The following FLNB variants were observed in gnomAD, a reference collection of about 807,000 sequenced individuals.
The protein encoded by FLNB is filamin B, also known as filamin-B.
In FLNB, 111 loss-of-function variants were observed where a neutral mutation model predicts 250.6. The ratio of observed to expected loss-of-function variants is 0.44; its 90% CI spans 0.38 to 0.52. FLNB has a LOEUF of 0.52. FLNB is among the 20% of genes least tolerant of loss of function. The pLI, the probability that FLNB is intolerant of heterozygous loss-of-function variation, is 0.00. For missense variants in FLNB, 2,869 were observed against 3,447.8 expected, an observed-to-expected ratio of 0.83 and a Z score of 4.20; for synonymous variants, 1,302 against 1,372.1, an observed-to-expected ratio of 0.95 and a Z score of 1.13.
At chr3:58,036,449 T>C (rs1576615958) in intron 1 of FLNB, among the ~76,000 whole-genome samples, 1 of 151,200 alleles carries the variant, frequency 6.6e-6, no homozygotes, top group African/African-American at 2.4e-5. Context: ...TCACAGGGGG[T>C]CGAAGTGACG....
chr3:58,059,049 A>G (rs1338773702), intron 1 of FLNB, among the ~76,000 whole-genome samples: 1 of 152,204 alleles, frequency 6.6e-6, no homozygotes, highest in Non-Finnish European at 1.5e-5. Context: ...TGAGATTGTC[A>G]ATGTACGTTG....
chr3:58,051,374 C>T (rs115789493), intron 1 of FLNB, among the ~76,000 whole-genome samples: 58 of 152,348 alleles, frequency 3.8e-4, no homozygotes, highest in Non-Finnish European at 7.9e-4. Context: ...AAGTGGCCCG[C>T]ATGTCTGCAC....
At chr3:58,108,627 C>T (rs756940813) in intron 13 of FLNB, 56 bp downstream of exon 13, 47 of 1,100,772 alleles carry the variant, frequency 4.3e-5, no homozygotes, top group African/African-American at 2.6e-4. Context: ...GATCTGACCA[C>T]GTAATGGCAA....
intron 29 of FLNB, among the ~76,000 whole-genome samples, chr3:58,140,702 G>T (rs1399192174): frequency 6.6e-6 from 1 of 152,100 alleles, no homozygotes; most frequent in African/African-American, 2.4e-5. Context: ...TCCACCTCCT[G>T]GGTTTAAGCG....
intron 7 of FLNB, 102 bp downstream of exon 7, chr3:58,098,079 C>A: frequency 8.0e-7 from 1 of 1,247,908 alleles, no homozygotes; most frequent in Non-Finnish European, 1.2e-6. Flanking sequence ...TCTTTTAAAT[C>A]AAATAAATAA....
rs1429594034 is a variant in FLNB at position 58,112,237 on chromosome 3, TCC to T, written c.2665_2666del (p.Pro889TrpfsTer12). On this transcript the variant is annotated frameshift_variant, in exon 18 of 46. Transcript: ENST00000295956. LOFTEE classifies it high-confidence loss of function. The part of the protein sequence containing the change: ...PLNVQFNSPL[P>X]GDAVKDLDII... Reference sequence around the variant, plus strand: ...TCAACGTGCAGTTCAACAGCCCTCTTCCTGGCGATGCAGTGAAGGATTTGGAT... The same window carrying T: ...TCAACGTGCAGTTCAACAGCCCTCTTTGGCGATGCAGTGAAGGATTTGGAT... 1 of 1,614,170 alleles carries T rather than the reference TCC, an allele frequency of 6.2e-7. No homozygotes were observed. Among genetic ancestry groups the T allele is most frequent in the Non-Finnish European group, 8.5e-7 (1 of 1,180,026 alleles).
intron 1 of FLNB, among the ~76,000 whole-genome samples, chr3:58,022,268 T>C (rs906044908): frequency 2.0e-5 from 3 of 152,236 alleles, no homozygotes; most frequent in Non-Finnish European, 4.4e-5. Flanking sequence ...TTAAGACTGG[T>C]ACATTGACTT....
At chr3:58,090,056 C>CA (rs1393627626) in intron 4 of FLNB, among the ~76,000 whole-genome samples, 4 of 152,122 alleles carry the variant, frequency 2.6e-5, no homozygotes, top group African/African-American at 9.7e-5. Context: ...TTAGGTGATC[C>CA]AAAGTGCTGG....
At chr3:58,054,553 T>C (rs1224965657) in intron 1 of FLNB, among the ~76,000 whole-genome samples, 1 of 152,106 alleles carries the variant, frequency 6.6e-6, no homozygotes, top group East Asian at 1.9e-4. Context: ...AACATGTCCT[T>C]CTTCACATGG....
intron 1 of FLNB, among the ~76,000 whole-genome samples, chr3:58,014,403 C>T (rs761858522): frequency 1.5e-4 from 23 of 152,362 alleles, no homozygotes; most frequent in African/African-American, 4.3e-4. Flanking sequence ...TCCAGCCTCC[C>T]ACCCCTTTCA....
intron 18 of FLNB, 57 bp downstream of exon 18, chr3:58,112,375 G>C (rs945235308): frequency 6.5e-7 from 1 of 1,549,362 alleles, no homozygotes; most frequent in Non-Finnish European, 8.9e-7. Flanking sequence ...TTTCTATGCA[G>C]TCGGTGCTGG....
chr3:58,125,820 A>G (rs958089103), intron 23 of FLNB, 77 bp downstream of exon 23: 9 of 1,375,222 alleles, frequency 6.5e-6, no homozygotes, highest in Non-Finnish European at 8.2e-6. Context: ...TGGTTTCCTA[A>G]CTTTTGATAA....
chr3:58,100,373 A>AAAAAAAATATAT, intron 8 of FLNB, among the ~76,000 whole-genome samples: 1 of 104,386 alleles, frequency 9.6e-6, no homozygotes, highest in Non-Finnish European at 1.8e-5. Context: ...GTAAAAAAAA[A>AAAAAAAATATAT]ATATATATAT....
At chr3:58,093,658 CA>C (rs2097232304) in intron 4 of FLNB, among the ~76,000 whole-genome samples, 1 of 144,394 alleles carries the variant, frequency 6.9e-6, no homozygotes, top group Non-Finnish European at 1.5e-5. Context: ...CACACACACA[CA>C]CCCCTATGCA....
chr3:58,031,543 C>CTTTTTTTTTTTTTT (rs764190111), intron 1 of FLNB, among the ~76,000 whole-genome samples: 1 of 77,144 alleles, frequency 1.3e-5, no homozygotes, highest in South Asian at 7.0e-4. Context: ...CGTGCCCTGC[C>CTTTTTTTTTTTTTT]TTTTTTTTTT....
chr3:58,028,182 C>T (rs1363644962), intron 1 of FLNB, among the ~76,000 whole-genome samples: 17 of 152,078 alleles, frequency 1.1e-4, no homozygotes, highest in Admixed American at 1.1e-3. Flanking sequence ...TACCATGTGC[C>T]AGGGGTGTAG....
intron 9 of FLNB, 121 bp downstream of exon 9, chr3:58,102,461 T>A (rs781039130): frequency 1.3e-5 from 15 of 1,184,880 alleles, no homozygotes; most frequent in Non-Finnish European, 1.9e-5. Flanking sequence ...TGTCAAGGAT[T>A]TGAGGCTATC....
chr3:58,063,040 T>A (rs902676359), intron 1 of FLNB, among the ~76,000 whole-genome samples: 1 of 151,998 alleles, frequency 6.6e-6, no homozygotes, highest in South Asian at 2.1e-4. Flanking sequence ...GGCGAGGGAG[T>A]TACGACTCTC....
At position 58,017,060 on chromosome 3, in the gene FLNB, T is replaced by C. The variant is rs138529844; in HGVS notation, c.292+8204T>C. ...TATTTTTAAGGTGCCTAACTAACTT[T>C]TCATGGGAAACTGAGTCCATGTACT... On this transcript the variant is annotated intron_variant, in intron 1 of 45. Coordinates refer to ENST00000295956, the MANE Select transcript of FLNB (RefSeq NM_001457.4). Among the ~76,000 whole-genome samples, 1,003 of 152,304 alleles carry C rather than the reference T, an allele frequency of 6.6e-3. 7 individuals are homozygous for C. Among genetic ancestry groups the C allele is most frequent in the African/African-American group, 0.023 (967 of 41,582 alleles).
Sources: gnomAD v4.1 joint callset for allele counts (sites outside exome capture counted in the v4.1 genomes callset) on GRCh38, gnomAD v4.1.1 for gene constraint, MANE v1.5 for transcripts, NCBI Gene and HGNC (gene_info 2026-07-23, HGNC 2026-07-21) for gene names.